PDHX: variants seen among roughly 807,000 people sequenced by gnomAD.
The protein encoded by PDHX is pyruvate dehydrogenase protein X component, mitochondrial.
In PDHX, 33 loss-of-function variants were observed where a neutral mutation model predicts 55.3. The observed-to-expected ratio is 0.60, with a 90% CI of 0.45 to 0.80. The LOEUF is 0.80. PDHX is among the 30% of genes least tolerant of loss of function. The probability of loss-of-function intolerance (pLI) is 0.00; values close to 1 mark genes in which losing one functional copy is unlikely to be tolerated. For missense variants in PDHX, 622 were observed against 619.9 expected, an observed-to-expected ratio of 1.00 and a Z score of -0.04; for synonymous variants, 226 against 219.4, an observed-to-expected ratio of 1.03 and a Z score of -0.27.
At chr11:34,977,895 C>G (rs1490116027) in intron 7 of PDHX, 7 of 568,806 alleles carry the variant, frequency 1.2e-5, no homozygotes, top group Non-Finnish European at 2.0e-5. Flanking sequence ...AAATTGATAA[C>G]CAAGGCCCAG....
chr11:34,921,300 C>G (rs991599397), intron 1 of PDHX, among the ~76,000 whole-genome samples: 1 of 152,196 alleles, frequency 6.6e-6, no homozygotes, highest in Non-Finnish European at 1.5e-5. Context: ...AATTATCAAT[C>G]TGTTTACTCC....
intron 1 of PDHX, among the ~76,000 whole-genome samples, chr11:34,930,151 G>A (rs1030234943): frequency 1.3e-5 from 2 of 152,202 alleles, no homozygotes; most frequent in African/African-American, 4.8e-5. Flanking sequence ...GTGGATGGAG[G>A]AGCTGATAGG....
At chr11:34,960,388 T>A in intron 4 of PDHX, 32 bp from the exon 5 acceptor site, 1 of 1,324,808 alleles carries the variant, frequency 7.5e-7, no homozygotes, top group Non-Finnish European at 1.1e-6. Flanking sequence ...AAGTGTTAAT[T>A]GGTTCTATTA....
At chr11:34,957,294 T>G (rs902355205) in intron 3 of PDHX, 90 bp from the exon 4 acceptor site, 9 of 923,982 alleles carry the variant, frequency 9.7e-6, no homozygotes, top group East Asian at 2.5e-5. Context: ...TTAAGATATC[T>G]TAAGGGGAGA....
intron 8 of PDHX, among the ~76,000 whole-genome samples, chr11:34,981,247 G>A (rs1476093387): frequency 5.3e-5 from 8 of 152,006 alleles, no homozygotes; most frequent in East Asian, 1.9e-4. Flanking sequence ...GACAACATGC[G>A]GTGTTTGGTT....
chr11:34,989,905 G>A (rs992359683), intron 9 of PDHX, among the ~76,000 whole-genome samples: 2 of 152,122 alleles, frequency 1.3e-5, no homozygotes, highest in African/African-American at 2.4e-5. Context: ...TAGTTGCTTG[G>A]TGAATTTATT....
intron 5 of PDHX, among the ~76,000 whole-genome samples, chr11:34,962,261 G>T (rs942132050): frequency 2.0e-5 from 3 of 152,166 alleles, no homozygotes; most frequent in Admixed American, 6.5e-5. Flanking sequence ...CCATGTAAGA[G>T]GTAATGAATA....
chr11:34,937,219 A>T (rs75269657), intron 2 of PDHX, among the ~76,000 whole-genome samples: 7,051 of 152,238 alleles, frequency 0.046, 514 homozygotes, highest in African/African-American at 0.16. Context: ...CTCTCATTTG[A>T]AAAGCCAACA....
chr11:34,947,694 T>G, intron 3 of PDHX, 88 bp downstream of exon 3: 1 of 881,602 alleles, frequency 1.1e-6, no homozygotes, highest in Non-Finnish European at 1.9e-6. Context: ...TATTTTTGCC[T>G]CCTTATTTTT....
At position 34,973,342 on chromosome 11, in the gene PDHX, C is replaced by T. The variant is rs545242793; in HGVS notation, c.964+3056C>T. Among the ~76,000 whole-genome samples the T allele has an allele frequency of 2.6e-5, 4 of 152,144 alleles. 1 individual carries two copies. In the South Asian group the frequency reaches 8.3e-4, roughly 32 times the overall value. On this transcript the variant is annotated intron_variant, in intron 7 of 10. Coordinates refer to ENST00000227868, the MANE Select transcript of PDHX (RefSeq NM_003477.3). The stretch of plus-strand genomic sequence containing the variant: ...ATTTAAGTAGGTTTCTTGAAGGCAG[C>T]GTGTAGTTGGTTCTTGCTATTTTAT...
intron 1 of PDHX, among the ~76,000 whole-genome samples, chr11:34,918,954 C>T (rs777870112): frequency 3.3e-5 from 5 of 152,204 alleles, no homozygotes; most frequent in Non-Finnish European, 4.4e-5. Flanking sequence ...CTTGTGATTA[C>T]ATTGGGCTCA....
rs565988133 is a variant in PDHX, at chr11:34,947,916, G to C, written c.342+310G>C. On this transcript the variant is annotated intron_variant, in intron 3 of 10. Transcript: ENST00000227868. Reference sequence around the variant, plus strand: ...AAACATGACTATTTAGCATTGTGTGGTATATTCCCTGATTGAGCCAACCAG... The same window carrying C: ...AAACATGACTATTTAGCATTGTGTGCTATATTCCCTGATTGAGCCAACCAG... Among the ~76,000 whole-genome samples, 104 of 152,270 alleles carry C rather than the reference G, an allele frequency of 6.8e-4. 2 individuals carry two copies. The South Asian group carries it at 8.7e-3, about 13-fold the overall frequency.
At chr11:34,916,517 G>T (rs1304492389), upstream of PDHX, 2 of 1,459,090 alleles carry the variant, frequency 1.4e-6, no homozygotes, top group South Asian at 2.7e-5. Context: ...GGCGGGGCTG[G>T]GTTGGGGGGC....
At chr11:34,916,322 C>A, upstream of PDHX, 1 of 1,607,648 alleles carries the variant, frequency 6.2e-7, no homozygotes, top group African/African-American at 1.3e-5. Flanking sequence ...CCAATCTCCG[C>A]ACGGCTTTGC....
At chr11:34,977,282 G>GC (rs1274083230) in intron 7 of PDHX, among the ~76,000 whole-genome samples, 1 of 152,100 alleles carries the variant, frequency 6.6e-6, no homozygotes, top group Non-Finnish European at 1.5e-5. Context: ...ATAAGCTCTT[G>GC]CAAGAAAGAA....
At chr11:34,948,371 A>G (rs1854676185) in intron 3 of PDHX, among the ~76,000 whole-genome samples, 1 of 152,148 alleles carries the variant, frequency 6.6e-6, no homozygotes, top group Non-Finnish European at 1.5e-5. Context: ...ATTTGTACAG[A>G]TGAGCTGCAT....
In PDHX at chr11:34,966,798, G is replaced by GTAGTGT. The variant is rs758373003; in HGVS notation, c.800_801insTAGTGT (p.Gly267_Gln268insSerVal). ...GTGATCCCACCAGTATCAACTCCTGGACAACCCAATGCAGTGGTAGTGTTC... is the reference window on the plus strand; with the variant it reads ...GTGATCCCACCAGTATCAACTCCTGGTAGTGTACAACCCAATGCAGTGGTAGTGTTC... On this transcript the variant is annotated inframe_insertion, in exon 6 of 11. Coordinates refer to ENST00000227868, the MANE Select transcript of PDHX (RefSeq NM_003477.3). 1.7e-5 allele frequency: 28 copies of GTAGTGT among 1,613,642 alleles called. 1 individual carries two copies. The South Asian group carries it at 2.7e-4, about 16-fold the overall frequency.
chr11:34,983,144 C>T (rs1019372688), intron 8 of PDHX, among the ~76,000 whole-genome samples: 9 of 152,016 alleles, frequency 5.9e-5, no homozygotes, highest in African/African-American at 1.7e-4. Context: ...AACTTAATCC[C>T]GCATGTAAAC....
intron 3 of PDHX, among the ~76,000 whole-genome samples, chr11:34,955,752 A>C (rs1277350483): frequency 6.6e-6 from 1 of 152,154 alleles, no homozygotes; most frequent in Non-Finnish European, 1.5e-5. Flanking sequence ...CCACTTTCAG[A>C]TGTAGTACAG....
Sources: allele counts gnomAD v4.1 joint callset (sites outside exome capture counted in the v4.1 genomes callset), GRCh38; gene constraint gnomAD v4.1.1; transcripts MANE v1.5; gene names NCBI Gene and HGNC (gene_info 2026-07-23, HGNC 2026-07-21).